SPAG16: variants seen among roughly 807,000 people sequenced by gnomAD.
SPAG16 encodes the protein sperm-associated antigen 16 protein.
In SPAG16, 86 loss-of-function variants were observed where a neutral mutation model predicts 80.4. The ratio of observed to expected loss-of-function variants is 1.07; its 90% confidence interval spans 0.90 to 1.28. The LOEUF is 1.28. Among genes scored for constraint, SPAG16 ranks in the 50% most tolerant of loss-of-function variants. SPAG16 has a pLI of 0.00. For synonymous variants in SPAG16, 294 were observed against 265.9 expected (o/e 1.11, Z -1.03); for missense variants, 870 against 765.3 (o/e 1.14, Z -1.61).
chr2:213,303,428 T>TA (rs1230038968), intron 3 of SPAG16, among the ~76,000 whole-genome samples: 2 of 151,746 alleles, frequency 1.3e-5, no homozygotes, highest in Admixed American at 1.3e-4. Context: ...CTCATTAATT[T>TA]AAAAATTACT....
At chr2:213,289,643 C>G (rs1377243057) in intron 1 of SPAG16, among the ~76,000 whole-genome samples, 1 of 152,178 alleles carries the variant, frequency 6.6e-6, no homozygotes. Context: ...ATGATATTTG[C>G]TATTTACAGT....
At chr2:214,160,405 A>C (rs915459779) in intron 15 of SPAG16, among the ~76,000 whole-genome samples, 1 of 151,730 alleles carries the variant, frequency 6.6e-6, no homozygotes, top group African/African-American at 2.4e-5. Context: ...TCCTTCTGCT[A>C]CTTGTGCTTA....
intron 12 of SPAG16, among the ~76,000 whole-genome samples, chr2:214,009,926 C>A (rs1292161293): frequency 6.6e-6 from 1 of 151,848 alleles, no homozygotes; most frequent in Non-Finnish European, 1.5e-5. Context: ...TAAAGAATTG[C>A]AAAAATTGAA....
intron 15 of SPAG16, among the ~76,000 whole-genome samples, chr2:214,311,038 T>C (rs1420148171): frequency 1.3e-5 from 2 of 152,298 alleles, no homozygotes; most frequent in East Asian, 3.9e-4. Flanking sequence ...AGGAAAGGCC[T>C]TGGCTACCTC....
chr2:214,306,607 A>T (rs1367780643), intron 15 of SPAG16, among the ~76,000 whole-genome samples: 1 of 152,094 alleles, frequency 6.6e-6, no homozygotes, highest in Non-Finnish European at 1.5e-5. Flanking sequence ...GTTTTATTGA[A>T]AGCCTTTTCT....
chr2:213,632,036 C>T (rs112734090), intron 10 of SPAG16, among the ~76,000 whole-genome samples: 1 of 151,790 alleles, frequency 6.6e-6, no homozygotes, highest in Non-Finnish European at 1.5e-5. Flanking sequence ...TTGGTATTTT[C>T]GTAGGGATTG....
intron 15 of SPAG16, among the ~76,000 whole-genome samples, chr2:214,184,441 T>A (rs2125679153): frequency 6.6e-6 from 1 of 152,206 alleles, no homozygotes; most frequent in Non-Finnish European, 1.5e-5. Context: ...CTAGGCTCAC[T>A]CATAAAATAT....
At chr2:213,702,656 C>T (rs1351384766) in intron 10 of SPAG16, among the ~76,000 whole-genome samples, 2 of 152,132 alleles carry the variant, frequency 1.3e-5, no homozygotes. Flanking sequence ...TTCCAATATA[C>T]AACTATCCGT....
At chr2:213,832,795 C>T (rs1012832862) in intron 10 of SPAG16, among the ~76,000 whole-genome samples, 2 of 152,108 alleles carry the variant, frequency 1.3e-5, no homozygotes, top group Admixed American at 1.3e-4. Context: ...TTTGGATCTT[C>T]ATTTCTGAAG....
chr2:213,839,861 C>T (rs2074281971), intron 10 of SPAG16, among the ~76,000 whole-genome samples: 2 of 152,104 alleles, frequency 1.3e-5, no homozygotes, highest in African/African-American at 4.8e-5. Context: ...AGATTTATGA[C>T]TTCCTGCTAA....
chr2:213,943,445 A>C (rs959269170), intron 12 of SPAG16, among the ~76,000 whole-genome samples: 12 of 152,192 alleles, frequency 7.9e-5, no homozygotes, highest in African/African-American at 2.9e-4. Flanking sequence ...TGGACAATAA[A>C]GGCCGTTCTC....
At chr2:214,356,896 G>A (rs542990654) in intron 15 of SPAG16, among the ~76,000 whole-genome samples, 1 of 151,740 alleles carries the variant, frequency 6.6e-6, no homozygotes, top group Non-Finnish European at 1.5e-5. Flanking sequence ...TTTCTTTTGT[G>A]GTCATTTGTA....
intron 12 of SPAG16, among the ~76,000 whole-genome samples, chr2:213,977,805 C>T (rs560374899): frequency 1.6e-4 from 24 of 152,108 alleles, no homozygotes; most frequent in Non-Finnish European, 2.4e-4. Context: ...TTAAAACTGG[C>T]GATTCTGGTG....
At chr2:214,113,360 G>T (rs912315987) in intron 14 of SPAG16, among the ~76,000 whole-genome samples, 2 of 152,128 alleles carry the variant, frequency 1.3e-5, no homozygotes, top group African/African-American at 4.8e-5. Flanking sequence ...TTTGAATGTT[G>T]TTGAATGCCT....
At chr2:213,556,312 C>CA (rs35010847) in intron 10 of SPAG16, among the ~76,000 whole-genome samples, 35,692 of 112,594 alleles carry the variant, frequency 0.32, 5,304 homozygotes, top group Non-Finnish European at 0.39. Flanking sequence ...AAAAAAAAAC[C>CA]AAAAAAAAAA....
At chr2:213,329,140 C>T in intron 5 of SPAG16, among the ~76,000 whole-genome samples, 1 of 152,098 alleles carries the variant, frequency 6.6e-6, no homozygotes, top group East Asian at 1.9e-4. Flanking sequence ...TCTTTATCAG[C>T]AGTGTGAAAA....
At chr2:214,118,664 C>A (rs148878129) in intron 14 of SPAG16, among the ~76,000 whole-genome samples, 115 of 152,148 alleles carry the variant, frequency 7.6e-4, no homozygotes, top group Non-Finnish European at 1.1e-3. Context: ...GGGTAACCGC[C>A]CCCATGATTA....
chr2:213,864,139 A>G (rs1357175781), intron 11 of SPAG16, among the ~76,000 whole-genome samples: 2 of 152,196 alleles, frequency 1.3e-5, no homozygotes, highest in Non-Finnish European at 1.5e-5. Context: ...CACATTCTGA[A>G]AGAGTTTATA....
chr2:214,219,621 A>C (rs1219498281), intron 15 of SPAG16, among the ~76,000 whole-genome samples: 1 of 152,170 alleles, frequency 6.6e-6, no homozygotes, highest in African/African-American at 2.4e-5. Flanking sequence ...GCTCTGTGCC[A>C]GTTACTTTTT....
Sources: gnomAD v4.1 joint callset for allele counts (sites outside exome capture counted in the v4.1 genomes callset) on GRCh38, gnomAD v4.1.1 for gene constraint, MANE v1.5 for transcripts, NCBI Gene and HGNC (gene_info 2026-07-23, HGNC 2026-07-21) for gene names.